Variants in ADRA1B observed in about 807,000 individuals in gnomAD.
The protein encoded by ADRA1B is adrenoceptor alpha 1B.
Under a neutral mutation model 17.9 loss-of-function variants are expected in ADRA1B, and 17 were observed. That is an observed-to-expected ratio of 0.95 (90% CI 0.65 to 1.42). The LOEUF is 1.42. ADRA1B is among the 40% of genes most tolerant of loss of function. ADRA1B has a pLI of 0.00. For synonymous variants in ADRA1B, 366 were observed against 327.6 expected (o/e 1.12, Z -1.27); for missense variants, 681 against 722.1 (o/e 0.94, Z 0.65).
chr5:159,988,201 G>A, the ADRA1B span, among the ~76,000 whole-genome samples: 3,834 of 152,262 alleles, frequency 0.025, 77 homozygotes, highest in Middle Eastern at 0.099. Flanking sequence ...GAAGATGGGA[G>A]ACTTTGAAGA....
At chr5:159,964,476 C>T (rs1755736531) in intron 1 of ADRA1B, among the ~76,000 whole-genome samples, 1 of 152,164 alleles carries the variant, frequency 6.6e-6, no homozygotes, top group African/African-American at 2.4e-5. Context: ...TGATAGAAAG[C>T]TTCCTTCAAA....
rs1014935244 is a variant in ADRA1B, at chr5:159,944,051, C to T, written c.949+26197C>T. The stretch of plus-strand genomic sequence containing the variant: ...AATGAGGTACCTTACCCAAGATTTG[C>T]TCATTTATTTGTATCACATCTTACA... On this transcript the variant is annotated intron_variant, in intron 1 of 1. Transcript: ENST00000306675. 2.0e-5 allele frequency among the ~76,000 whole-genome samples: 3 copies of T among 152,170 alleles called. No homozygotes were observed. The East Asian group carries it at 5.8e-4, about 29-fold the overall frequency.
intron 1 of ADRA1B, among the ~76,000 whole-genome samples, chr5:159,899,214 TA>T (rs1373522656): frequency 2.2e-5 from 2 of 91,778 alleles, no homozygotes; most frequent in African/African-American, 9.3e-5. Context: ...AAGAAAGAAA[TA>T]AAAGAAGGAA....
chr5:159,928,827 C>T (rs571859385), intron 1 of ADRA1B, among the ~76,000 whole-genome samples: 3 of 152,242 alleles, frequency 2.0e-5, no homozygotes, highest in East Asian at 1.9e-4. Flanking sequence ...CTGGGCCGGG[C>T]GGAGATCCAG....
At chr5:159,879,364 G>A (rs971851283) in intron 1 of ADRA1B, among the ~76,000 whole-genome samples, 8 of 152,078 alleles carry the variant, frequency 5.3e-5, no homozygotes, top group Non-Finnish European at 7.3e-5. Context: ...AGCAACAGGC[G>A]CCTGCCTGTA....
At chr5:159,920,721 A>G (rs1053247824) in intron 1 of ADRA1B, among the ~76,000 whole-genome samples, 1 of 152,206 alleles carries the variant, frequency 6.6e-6, no homozygotes, top group African/African-American at 2.4e-5. Context: ...TTAATGATTC[A>G]GGAAGAGCAT....
intron 1 of ADRA1B, among the ~76,000 whole-genome samples, chr5:159,889,132 C>T (rs921254975): frequency 1.3e-5 from 2 of 152,198 alleles, no homozygotes; most frequent in Non-Finnish European, 2.9e-5. Flanking sequence ...ACCAGTGCTT[C>T]ACACTGACTG....
chr5:159,929,299 AG>A (rs1177589603), intron 1 of ADRA1B, among the ~76,000 whole-genome samples: 1 of 152,238 alleles, frequency 6.6e-6, no homozygotes, highest in Non-Finnish European at 1.5e-5. Context: ...AAATATTTCA[AG>A]ATATCTGCAA....
At chr5:159,894,052 C>T (rs971557523) in intron 1 of ADRA1B, among the ~76,000 whole-genome samples, 12 of 152,148 alleles carry the variant, frequency 7.9e-5, no homozygotes, top group African/African-American at 2.7e-4. Context: ...CCAGAATATC[C>T]ACCTACCTGG....
chr5:159,907,000 C>T (rs1754168900), intron 1 of ADRA1B, among the ~76,000 whole-genome samples: 2 of 152,202 alleles, frequency 1.3e-5, no homozygotes, highest in Admixed American at 6.5e-5. Flanking sequence ...GCCTTCCCTG[C>T]CCTTCTAGGG....
intron 1 of ADRA1B, chr5:159,867,991 C>A (rs1207511970): frequency 6.6e-6 from 1 of 152,086 alleles, no homozygotes; most frequent in Non-Finnish European, 1.5e-5. Context: ...ATTCTAGGGA[C>A]TGAGAGAGAA....
chr5:159,919,370 A>G (rs1237003042), intron 1 of ADRA1B, among the ~76,000 whole-genome samples: 2 of 152,302 alleles, frequency 1.3e-5, no homozygotes, highest in Non-Finnish European at 2.9e-5. Flanking sequence ...GGTCATTACA[A>G]AGATCATGGT....
intron 1 of ADRA1B, among the ~76,000 whole-genome samples, chr5:159,918,872 G>A (rs1403449512): frequency 2.0e-5 from 3 of 152,084 alleles, no homozygotes; most frequent in Non-Finnish European, 4.4e-5. Context: ...ATCCCTGGGG[G>A]ACACTACAGA....
chr5:159,955,316 C>A, intron 1 of ADRA1B: 1 of 392,948 alleles, frequency 2.5e-6, no homozygotes, highest in Non-Finnish European at 3.5e-6. Flanking sequence ...ACAGAGCCAT[C>A]CAGGGGTCCA....
At chr5:159,932,446 C>T (rs950496659) in intron 1 of ADRA1B, among the ~76,000 whole-genome samples, 1 of 152,204 alleles carries the variant, frequency 6.6e-6, no homozygotes, top group African/African-American at 2.4e-5. Context: ...GCATGAGCCA[C>T]CCCGCTCAGC....
intron 1 of ADRA1B, among the ~76,000 whole-genome samples, chr5:159,925,660 T>G (rs1024808465): frequency 2.6e-5 from 4 of 152,160 alleles, no homozygotes; most frequent in African/African-American, 4.8e-5. Flanking sequence ...GGAGTTACTG[T>G]GGCTAGTGGT....
chr5:159,886,569 G>A (rs1753924488), intron 1 of ADRA1B, among the ~76,000 whole-genome samples: 1 of 152,206 alleles, frequency 6.6e-6, no homozygotes, highest in African/African-American at 2.4e-5. Flanking sequence ...TAGAAAGAAA[G>A]CAAATACTTG....
intron 1 of ADRA1B, chr5:159,951,591 G>C (rs1323585568): frequency 6.6e-6 from 3 of 452,282 alleles, no homozygotes; most frequent in Non-Finnish European, 1.2e-5. Flanking sequence ...AATTTAGCAC[G>C]GTCTGGATGG....
At chr5:159,906,647 A>C (rs972633521) in intron 1 of ADRA1B, among the ~76,000 whole-genome samples, 4 of 152,010 alleles carry the variant, frequency 2.6e-5, no homozygotes, top group African/African-American at 7.3e-5. Flanking sequence ...CCTACTCAAC[A>C]CTCTACATTC....
Sources: allele counts gnomAD v4.1 joint callset (sites outside exome capture counted in the v4.1 genomes callset), GRCh38; gene constraint gnomAD v4.1.1; transcripts MANE v1.5; gene names NCBI Gene and HGNC (gene_info 2026-07-23, HGNC 2026-07-21).